The following ITGA9 variants were observed in gnomAD, a reference collection of about 807,000 sequenced individuals.
The protein encoded by ITGA9 is integrin alpha-9.
ITGA9 carries 56 observed loss-of-function variants against 127.8 expected under a neutral mutation model. That is an observed-to-expected ratio of 0.44 (90% confidence interval 0.35 to 0.55). The LOEUF is 0.55. ITGA9 is among the 20% of genes least tolerant of loss of function. ITGA9 has a pLI of 0.00. For missense variants in ITGA9, 1,196 were observed against 1,347.1 expected (o/e 0.89, Z 1.76); for synonymous variants, 508 against 514.5 (o/e 0.99, Z 0.17).
At chr3:37,671,070 A>ACATCGCTG (rs777521206) in intron 17 of ITGA9, among the ~76,000 whole-genome samples, 46 of 152,384 alleles carry the variant, frequency 3.0e-4, no homozygotes, top group Non-Finnish European at 6.3e-4. Context: ...GTCAAGTCAT[A>ACATCGCTG]CATCGCTGCA....
intron 18 of ITGA9, 135 bp downstream of exon 18, chr3:37,684,150 C>CT: frequency 2.3e-6 from 2 of 862,190 alleles, no homozygotes; most frequent in South Asian, 1.4e-5. Context: ...ATGATTAGAA[C>CT]TTTTTTCTTC....
At chr3:37,645,650 A>G (rs1386736216) in intron 16 of ITGA9, among the ~76,000 whole-genome samples, 1 of 152,134 alleles carries the variant, frequency 6.6e-6, no homozygotes, top group East Asian at 1.9e-4. Flanking sequence ...CAATTCTTCT[A>G]CTTTTTTTAG....
At chr3:37,710,149 C>T (rs1701062373) in intron 18 of ITGA9, among the ~76,000 whole-genome samples, 1 of 152,184 alleles carries the variant, frequency 6.6e-6, no homozygotes, top group Non-Finnish European at 1.5e-5. Context: ...CCATGTGCGT[C>T]ATCCCAGGGG....
chr3:37,587,016 T>A (rs1189093310), intron 15 of ITGA9, among the ~76,000 whole-genome samples: 1 of 152,230 alleles, frequency 6.6e-6, no homozygotes, highest in Non-Finnish European at 1.5e-5. Context: ...AGTGTTGGCA[T>A]GTTTCCCTCA....
intron 18 of ITGA9, among the ~76,000 whole-genome samples, chr3:37,728,456 G>A (rs115562090): frequency 0.02 from 3,087 of 152,140 alleles, 100 homozygotes; most frequent in African/African-American, 0.07. Context: ...TGACTCTTGG[G>A]TGCCTGCCTG....
rs181015324 is a variant in ITGA9, at chr3:37,628,631, C to T, written c.1690-556C>T. ...TTCCTTTCCCATCGTGACTGTCAAT[C>T]GACTGTTCCCTTGGGGCTTGAGATT... is the stretch of plus-strand genomic sequence containing the variant. On this transcript the variant is annotated intron_variant, in intron 15 of 27. Transcript: ENST00000264741. Among the ~76,000 whole-genome samples, 512 of 152,220 alleles carry T rather than the reference C, an allele frequency of 3.4e-3. 4 individuals are homozygous for T. Among genetic ancestry groups the T allele is most frequent in the Middle Eastern group, 0.01 (3 of 294 alleles).
chr3:37,608,083 C>G (rs1177471628), intron 15 of ITGA9, among the ~76,000 whole-genome samples: 1 of 152,170 alleles, frequency 6.6e-6, no homozygotes, highest in Non-Finnish European at 1.5e-5. Context: ...TGTGCGCAGC[C>G]TGGTTTGAGC....
chr3:37,684,188 C>T (rs1026383104), intron 18 of ITGA9, among the ~76,000 whole-genome samples, 173 bp downstream of exon 18: 2 of 152,122 alleles, frequency 1.3e-5, no homozygotes, highest in African/African-American at 2.4e-5. Flanking sequence ...GTTGGTATAG[C>T]CAAAGAAGCA....
At chr3:37,651,802 C>A (rs1475556552) in intron 16 of ITGA9, among the ~76,000 whole-genome samples, 8 of 152,066 alleles carry the variant, frequency 5.3e-5, no homozygotes, top group Non-Finnish European at 8.8e-5. Flanking sequence ...TGTGGGGAGG[C>A]CCTGGGTGGG....
At chr3:37,628,803 G>A (rs141752320) in intron 15 of ITGA9, among the ~76,000 whole-genome samples, 1 of 152,362 alleles carries the variant, frequency 6.6e-6, no homozygotes, top group East Asian at 1.9e-4. Context: ...CAATGCAAAA[G>A]AGATGTGGTC....
chr3:37,598,683 T>G (rs992401229), intron 15 of ITGA9, among the ~76,000 whole-genome samples: 2 of 152,148 alleles, frequency 1.3e-5, no homozygotes, highest in African/African-American at 4.8e-5. Context: ...GGGCCTACCC[T>G]TAGGCCCCAA....
At chr3:37,598,065 T>C (rs1009310633) in intron 15 of ITGA9, among the ~76,000 whole-genome samples, 6 of 152,234 alleles carry the variant, frequency 3.9e-5, no homozygotes, top group Admixed American at 3.9e-4. Flanking sequence ...TGATTTATTT[T>C]ACACTTTGTG....
rs1698425737 is a variant in ITGA9, at chr3:37,471,070, T to C, written c.249T>C (p.Ala83=). 1 of 1,614,152 alleles carries C rather than the reference T, an allele frequency of 6.2e-7. No individual in the cohort carries two copies. Among genetic ancestry groups the C allele is most frequent in the Middle Eastern group, 1.6e-4 (1 of 6,062 alleles). The change falls in exon 2 of 28, where the codon GCT becomes GCC. Residue 83 remains alanine (A), a synonymous_variant. Transcript: ENST00000264741. The part of the protein sequence containing the change: ...KYSPSVKSPG[A]VFKCRVHTNP... The stretch of plus-strand genomic sequence containing the variant: ...GCCCTTCAGTGAAGTCTCCTGGGGC[T>C]GTGTTTAAGTGCCGTGTTCACACCA...
intron 21 of ITGA9, among the ~76,000 whole-genome samples, chr3:37,742,424 G>A (rs902656264): frequency 1.3e-5 from 2 of 152,196 alleles, no homozygotes; most frequent in African/African-American, 2.4e-5. Context: ...AGTGCCGCTG[G>A]CATTGTTGGA....
chr3:37,563,841 G>A (rs1351755301), intron 15 of ITGA9, among the ~76,000 whole-genome samples: 2 of 152,144 alleles, frequency 1.3e-5, no homozygotes, highest in African/African-American at 2.4e-5. Context: ...TTGTCATCTT[G>A]TGTGGCAGTG....
At chr3:37,730,425 AT>A (rs1696273768) in intron 18 of ITGA9, among the ~76,000 whole-genome samples, 1 of 152,206 alleles carries the variant, frequency 6.6e-6, no homozygotes, top group South Asian at 2.1e-4. Context: ...ATGGTGAATC[AT>A]TAATGCCATG....
At chr3:37,692,930 G>A (rs1213618869) in intron 18 of ITGA9, among the ~76,000 whole-genome samples, 4 of 152,102 alleles carry the variant, frequency 2.6e-5, no homozygotes, top group Admixed American at 6.6e-5. Flanking sequence ...AACAGAGAAC[G>A]AAGAACAGAG....
intron 20 of ITGA9, among the ~76,000 whole-genome samples, chr3:37,741,229 G>A (rs1158931203): frequency 6.6e-6 from 1 of 152,204 alleles, no homozygotes; most frequent in Non-Finnish European, 1.5e-5. Flanking sequence ...TCTCTGGCCA[G>A]AGCCCACTCA....
At chr3:37,475,007 G>A (rs1339326939) in intron 3 of ITGA9, among the ~76,000 whole-genome samples, 1 of 152,212 alleles carries the variant, frequency 6.6e-6, no homozygotes, top group Non-Finnish European at 1.5e-5. Context: ...CAGCATGGTG[G>A]GGGCCTCCCT....
Sources: allele counts gnomAD v4.1 joint callset (sites outside exome capture counted in the v4.1 genomes callset), GRCh38; gene constraint gnomAD v4.1.1; transcripts MANE v1.5; gene names NCBI Gene and HGNC (gene_info 2026-07-23, HGNC 2026-07-21).